The following LILRB5 variants were observed in gnomAD, a reference collection of about 807,000 sequenced individuals.
LILRB5 encodes leukocyte immunoglobulin like receptor B5.
Under a neutral mutation model 68.4 loss-of-function variants are expected in LILRB5, and 61 were observed. That is an observed-to-expected ratio of 0.89 (90% CI 0.73 to 1.10). The LOEUF is 1.10. Among genes scored for constraint, LILRB5 ranks in the 50% least tolerant of loss-of-function variants. LILRB5 has a pLI of 0.00. For missense variants in LILRB5, 771 were observed against 751.6 expected (o/e 1.03, Z -0.30); for synonymous variants, 356 against 315.8 (o/e 1.13, Z -1.35).
intron 4 of LILRB5, 83 bp from the exon 5 acceptor site, chr19:54,255,665 C>T (rs1364819481): frequency 3.5e-5 from 51 of 1,439,146 alleles, no homozygotes; most frequent in Non-Finnish European, 4.6e-5. Flanking sequence ...CCTGGCCCTG[C>T]AGGTCTCACT....
chr19:54,254,603 A>C, intron 6 of LILRB5, 132 bp downstream of exon 6: 4 of 1,275,136 alleles, frequency 3.1e-6, no homozygotes, highest in Non-Finnish European at 4.4e-6. Flanking sequence ...CTGAGGGGTG[A>C]GTCTCCCTCT....
intron 9 of LILRB5, 89 bp downstream of exon 9, chr19:54,252,782 G>T: frequency 7.7e-7 from 1 of 1,302,954 alleles, no homozygotes. Context: ...GTTTTTCTAA[G>T]CTGACTTTCC....
intron 9 of LILRB5, 88 bp downstream of exon 9, chr19:54,252,783 C>A: frequency 7.6e-7 from 1 of 1,310,076 alleles, no homozygotes; most frequent in Non-Finnish European, 1.1e-6. Context: ...TTTTTCTAAG[C>A]TGACTTTCCT....
intron 8 of LILRB5, chr19:54,253,575 C>T (rs560532421): frequency 3.3e-4 from 137 of 413,368 alleles, no homozygotes; most frequent in African/African-American, 2.5e-3. Context: ...TTGCTTACGC[C>T]TCGCAGCAGT....
At chr19:54,254,245 C>T in intron 7 of LILRB5, 120 bp downstream of exon 7, 2 of 1,456,392 alleles carry the variant, frequency 1.4e-6, no homozygotes, top group Non-Finnish European at 1.8e-6. Context: ...TGGCTCTGCC[C>T]AGCTCCCTGG....
At chr19:54,255,692 G>T in intron 4 of LILRB5, 110 bp from the exon 5 acceptor site, 1 of 1,302,764 alleles carries the variant, frequency 7.7e-7, no homozygotes, top group South Asian at 1.5e-5. Flanking sequence ...CACGCTCTGT[G>T]TCTCGGATCC....
In LILRB5 at chr19:54,250,464, T is replaced by G; in HGVS notation, c.*322A>C. 4 of 312,808 alleles carry G rather than the reference T, an allele frequency of 1.3e-5. No homozygotes were observed. Among genetic ancestry groups the G allele is most frequent in the African/African-American group, 2.1e-5 (1 of 47,122 alleles). The allele number at this position is 312,808 out of a possible 1,614,324, so 19.4% of individuals were successfully genotyped here. Reference sequence around the variant, plus strand: ...TATTCTTTTCTAATTCATTCGCTCATTTGTAGTTTTCCGATTTCATCATTT... The same window carrying G: ...TATTCTTTTCTAATTCATTCGCTCAGTTGTAGTTTTCCGATTTCATCATTT... On this transcript the variant is annotated 3_prime_UTR_variant, in exon 13 of 13. Coordinates refer to ENST00000449561, the MANE Select transcript of LILRB5 (RefSeq NM_001081442.3).
chr19:54,250,615 A>T lies in LILRB5; in HGVS notation c.*171T>A. On this transcript the variant is annotated 3_prime_UTR_variant, in exon 13 of 13. Transcript: ENST00000449561. The stretch of plus-strand genomic sequence containing the variant: ...TTTCAAAAATGCAAGGATATTAGTC[A>T]TCTTTGACTGCAGAATCTAGTGAGT... 1 of 746,146 alleles carries T rather than the reference A, an allele frequency of 1.3e-6. No individual in the cohort carries two copies. The highest frequency in any genetic ancestry group is 2.2e-6 in the Non-Finnish European group (1 of 464,076). 46.2% of individuals were successfully genotyped at this position (746,146 alleles called of 1,614,324 possible).
chr19:54,255,726 C>T, intron 4 of LILRB5, 144 bp from the exon 5 acceptor site: 1 of 1,061,968 alleles, frequency 9.4e-7, no homozygotes, highest in Non-Finnish European at 1.3e-6. Flanking sequence ...TCACCTGGGT[C>T]TGTCTTGGAG....
intron 8 of LILRB5, chr19:54,253,804 C>T: frequency 6.8e-7 from 1 of 1,463,782 alleles, no homozygotes; most frequent in Admixed American, 2.3e-5. Context: ...CTCCCCTGCC[C>T]CAGGTCACCG....
chr19:54,253,117 A>T (rs2079015353), intron 8 of LILRB5, 130 bp from the exon 9 acceptor site: 1 of 382,988 alleles, frequency 2.6e-6, no homozygotes, highest in Admixed American at 4.0e-5. Flanking sequence ...GGGATTGCCA[A>T]CCCCCCAATT....
At position 54,252,358 on chromosome 19, in the gene LILRB5, T is replaced by A; in HGVS notation, c.1576+8A>T. ...CACCCCAGGTGCCCTCCGCTTCTAG[T>A]CACTCACTGAGAATTTCCTCCTGGA... On this transcript the variant is annotated splice_region_variant and intron_variant, in intron 11 of 12. Transcript: ENST00000449561. 1.9e-6 allele frequency: 3 copies of A among 1,613,644 alleles called. No individual in the cohort carries two copies. Among genetic ancestry groups the A allele is most frequent in the Non-Finnish European group, 2.5e-6 (3 of 1,179,844 alleles).
chr19:54,250,486 A>C lies in LILRB5; in HGVS notation c.*300T>G. 1 of 377,448 alleles carries C rather than the reference A, an allele frequency of 2.6e-6. No homozygotes were observed. The highest frequency in any genetic ancestry group is 4.7e-6 in the Non-Finnish European group (1 of 211,480). 23.4% of individuals were successfully genotyped at this position (377,448 alleles called of 1,614,324 possible). A position where few individuals can be genotyped will look rare whatever the true frequency, so the allele number is the denominator to read the frequency against. On this transcript the variant is annotated 3_prime_UTR_variant, in exon 13 of 13. Coordinates refer to ENST00000449561, the MANE Select transcript of LILRB5 (RefSeq NM_001081442.3). ...TCATTTGTAGTTTTCCGATTTCATC[A>C]TTTAATGTGTAATATTTACATTATC...
chr19:54,255,809 A>G, intron 4 of LILRB5: 1 of 671,896 alleles, frequency 1.5e-6, no homozygotes, highest in South Asian at 2.0e-5. Context: ...TCATTGAGGG[A>G]CAGGAAATTG....
In LILRB5 at chr19:54,256,265, C is replaced by T. The variant is rs1385790349; in HGVS notation, c.433G>A (p.Asp145Asn). ...ASGGNVTLQC[D>N]TLDGLLTFVL... ...AACGTGAGAAGTCCGTCCAGTGTAT[C>T]ACACTGGAGGGTCACATTTCCTCCT... Residue 145 changes from aspartate (D) to asparagine (N), a missense_variant, in exon 4 of 13, where the codon GAT (aspartate) becomes AAT (asparagine). Asp to Asn is a conservative substitution (Grantham distance 23). Coordinates refer to ENST00000449561, the MANE Select transcript of LILRB5 (RefSeq NM_001081442.3). 1.2e-6 allele frequency: 2 copies of T among 1,613,056 alleles called. No individual in the cohort carries two copies. The highest frequency in any genetic ancestry group is 2.7e-5 in the African/African-American group (2 of 74,844).
At chr19:54,254,689 T>C (rs762720293) in intron 6 of LILRB5, 46 bp downstream of exon 6, 42 of 1,604,190 alleles carry the variant, frequency 2.6e-5, no homozygotes, top group Non-Finnish European at 3.2e-5. Flanking sequence ...GGGCAGGGCC[T>C]GAGCTGAGCC....
Position 54,254,756 on chromosome 19 carries a change from G to GTCTCAGGT in LILRB5, c.1233_1234insACCTGAGA (p.Pro412ThrfsTer2), listed in dbSNP as rs754629296. The GTCTCAGGT allele has an allele frequency of 8.1e-6, 13 of 1,613,948 alleles. No individual in the cohort carries two copies. In the Admixed American group the frequency reaches 2.0e-4, roughly 25 times the overall value. On this transcript the variant is annotated stop_gained and frameshift_variant, in exon 6 of 13. Transcript: ENST00000449561. LOFTEE classifies it high-confidence loss of function. ...TCACCTGAGACCACGAGCTCCTGGG[G>GTCTCAGGT]GTAACTAGGGCTGGACAGCAGGTAG...
intron 7 of LILRB5, 135 bp from the exon 8 acceptor site, chr19:54,254,203 T>G: frequency 6.7e-7 from 1 of 1,486,166 alleles, no homozygotes; most frequent in East Asian, 2.5e-5. Context: ...CGGCCCAGCC[T>G]CAGAGCCCCG....
chr19:54,253,952 T>G, intron 8 of LILRB5, 66 bp downstream of exon 8: 2 of 1,554,368 alleles, frequency 1.3e-6, no homozygotes, highest in Non-Finnish European at 1.7e-6. Context: ...AGCCTGAACC[T>G]ACGACAGAAC....
Sources: allele counts gnomAD v4.1 joint callset, GRCh38; gene constraint gnomAD v4.1.1; transcripts MANE v1.5; gene names NCBI Gene and HGNC (gene_info 2026-07-23, HGNC 2026-07-21).